Variants in RASGRF2 observed in about 807,000 individuals in gnomAD.
RASGRF2 encodes the protein Ras protein specific guanine nucleotide releasing factor 2.
RASGRF2 carries 76 observed loss-of-function variants against 151.0 expected under a neutral mutation model. That is an observed-to-expected ratio of 0.50 (90% confidence interval 0.42 to 0.61). The LOEUF is 0.61. Ranked by LOEUF, RASGRF2 falls within the 20% of genes least tolerant of loss-of-function variation. RASGRF2 has a pLI of 0.00. For missense variants in RASGRF2, 1,148 were observed against 1,564.6 expected (o/e 0.73, Z 4.49); for synonymous variants, 504 against 566.5 (o/e 0.89, Z 1.57).
At chr5:81,154,355 A>T (rs777110058) in intron 17 of RASGRF2, among the ~76,000 whole-genome samples, 1 of 152,092 alleles carries the variant, frequency 6.6e-6, no homozygotes, top group Non-Finnish European at 1.5e-5. Context: ...GGCTCAAGTG[A>T]TCAGCCTCCC....
intron 1 of RASGRF2, among the ~76,000 whole-genome samples, chr5:81,005,347 A>G (rs1749232564): frequency 2.0e-5 from 3 of 152,066 alleles, no homozygotes; most frequent in African/African-American, 2.4e-5. Flanking sequence ...AGGTGGGGAA[A>G]AGCCCCTTAT....
Position 81,112,774 on chromosome 5 carries a change from C to G in RASGRF2, c.2003C>G (p.Thr668Ser), listed in dbSNP as rs757774399. ...GATTTCCTCAACACCTTTCTGCACA[C>G]CTATCGTATTTTCACTACTGCCGCT... ...SIDFLNTFLH[T>S]YRIFTTAAVV... Residue 668 changes from threonine (T) to serine (S), a missense_variant, in exon 14 of 27, where the codon ACC (threonine) becomes AGC (serine). By Grantham distance (58) the Thr-to-Ser change is moderately conservative (BLOSUM62 1). Transcript: ENST00000265080. The G allele has an allele frequency of 4.3e-6, 7 of 1,614,222 alleles. No individual in the cohort carries two copies. The highest frequency in any genetic ancestry group is 5.9e-6 in the Non-Finnish European group (7 of 1,180,040).
chr5:81,162,211 G>C (rs759550096), intron 17 of RASGRF2, among the ~76,000 whole-genome samples: 1 of 151,838 alleles, frequency 6.6e-6, no homozygotes, highest in African/African-American at 2.4e-5. Flanking sequence ...GGGGACATGG[G>C]GGGCAGTGGT....
chr5:81,019,095 C>CTAGCGCATCTGCACATCTTGAAACACT (rs1554085924), intron 1 of RASGRF2, among the ~76,000 whole-genome samples: 11 of 151,788 alleles, frequency 7.2e-5, no homozygotes, highest in African/African-American at 2.2e-4. Context: ...GGCACTGCGC[C>CTAGCGCATCTGCACATCTTGAAACACT]TGGCGCATCT....
At chr5:81,153,493 A>G (rs1754184169) in intron 17 of RASGRF2, among the ~76,000 whole-genome samples, 1 of 152,148 alleles carries the variant, frequency 6.6e-6, no homozygotes, top group Admixed American at 6.5e-5. Context: ...AAGAAAATGG[A>G]TTCTGTCTTA....
chr5:81,189,666 A>G (rs1426295168), intron 18 of RASGRF2, among the ~76,000 whole-genome samples: 3 of 147,690 alleles, frequency 2.0e-5, no homozygotes, highest in Admixed American at 1.4e-4. Context: ...GCCACAGATA[A>G]TTTTATACAA....
At chr5:81,207,015 C>G (rs1755523136) in intron 20 of RASGRF2, 110 bp downstream of exon 20, 1 of 988,018 alleles carries the variant, frequency 1.0e-6, no homozygotes, top group South Asian at 1.4e-5. Flanking sequence ...GGCCCTCTGT[C>G]CTATCTGTGA....
At chr5:81,112,221 A>G (rs989748574) in intron 13 of RASGRF2, among the ~76,000 whole-genome samples, 21 of 152,260 alleles carry the variant, frequency 1.4e-4, no homozygotes, top group Admixed American at 1.2e-3. Flanking sequence ...AATATTTGGA[A>G]GAAAGAAAAA....
chr5:81,060,315 C>T (rs1237081130), intron 2 of RASGRF2, among the ~76,000 whole-genome samples: 1 of 152,150 alleles, frequency 6.6e-6, no homozygotes, highest in East Asian at 1.9e-4. Context: ...CACTGCAGGG[C>T]TTTTGCACAT....
chr5:81,061,222 TA>T (rs1159368366), intron 2 of RASGRF2, among the ~76,000 whole-genome samples: 1 of 152,184 alleles, frequency 6.6e-6, no homozygotes, highest in East Asian at 1.9e-4. Flanking sequence ...TCCATTTTCT[TA>T]TATTTGTTTT....
chr5:81,213,110 C>G (rs1755660715), intron 23 of RASGRF2, among the ~76,000 whole-genome samples: 1 of 152,212 alleles, frequency 6.6e-6, no homozygotes, highest in South Asian at 2.1e-4. Flanking sequence ...TGATTCTTCC[C>G]CTGCCCTTTC....
chr5:81,218,147 G>C (rs1005481213), intron 25 of RASGRF2, among the ~76,000 whole-genome samples: 1 of 152,160 alleles, frequency 6.6e-6, no homozygotes, highest in Non-Finnish European at 1.5e-5. Context: ...GCCTCCCAAA[G>C]TGCTGGGATT....
At chr5:80,991,480 A>G (rs1327492981) in intron 1 of RASGRF2, among the ~76,000 whole-genome samples, 1 of 152,194 alleles carries the variant, frequency 6.6e-6, no homozygotes, top group African/African-American at 2.4e-5. Context: ...TGCATTGCTA[A>G]CAAGGTCCAG....
At chr5:81,189,634 C>T (rs995477553) in intron 18 of RASGRF2, among the ~76,000 whole-genome samples, 5 of 151,440 alleles carry the variant, frequency 3.3e-5, no homozygotes, top group African/African-American at 9.7e-5. Flanking sequence ...GCTGGGATTA[C>T]GGGCATGAGC....
At chr5:81,213,105 C>G (rs1319236864) in intron 23 of RASGRF2, among the ~76,000 whole-genome samples, 5 of 152,212 alleles carry the variant, frequency 3.3e-5, no homozygotes, top group African/African-American at 1.2e-4. Flanking sequence ...AATCATGATT[C>G]TTCCCCTGCC....
chr5:80,960,466 C>G lies in RASGRF2; in HGVS notation c.-273C>G, dbSNP rs1210055098. Among the ~76,000 whole-genome samples the G allele has an allele frequency of 6.6e-6, 1 of 150,702 alleles. No homozygotes were observed. Among genetic ancestry groups the G allele is most frequent in the East Asian group, 1.9e-4 (1 of 5,130 alleles). On this transcript the variant is annotated 5_prime_UTR_variant, in exon 1 of 27. Coordinates refer to ENST00000265080, the MANE Select transcript of RASGRF2 (RefSeq NM_006909.3). This position sits in a 1 kb window ranked among gnomAD's most constrained non-coding sequence, Gnocchi z 5.5. ...GGCGCCCTCGCGGGGCCGCGCTCCA[C>G]GCGGGCGTTGGGGGCTTGGGGGGCT...
intron 17 of RASGRF2, among the ~76,000 whole-genome samples, chr5:81,154,382 T>C (rs1310391796): frequency 6.6e-6 from 1 of 152,178 alleles, no homozygotes; most frequent in Non-Finnish European, 1.5e-5. Context: ...CTAGGACTAC[T>C]GGACTGACTA....
intron 1 of RASGRF2, chr5:81,019,519 G>A (rs1439060581): frequency 1.3e-5 from 2 of 152,196 alleles, no homozygotes; most frequent in African/African-American, 2.4e-5. Context: ...CTCGATGGCT[G>A]CACAGAGAGG....
At chr5:81,122,643 A>G (rs1342004774) in intron 15 of RASGRF2, among the ~76,000 whole-genome samples, 1 of 152,202 alleles carries the variant, frequency 6.6e-6, no homozygotes, top group East Asian at 1.9e-4. Context: ...GGATTAATGT[A>G]CAATTAGTGG....
Sources: allele counts gnomAD v4.1 joint callset (sites outside exome capture counted in the v4.1 genomes callset), GRCh38; gene constraint gnomAD v4.1.1; non-coding constraint Gnocchi (gnomAD v3.1); transcripts MANE v1.5; gene names NCBI Gene and HGNC (gene_info 2026-07-23, HGNC 2026-07-21).